C1QTNF5: variants seen among roughly 807,000 people sequenced by gnomAD.
The protein encoded by C1QTNF5 is complement C1q tumor necrosis factor-related protein 5.
Under a neutral mutation model 10.9 loss-of-function variants are expected in C1QTNF5, and 5 were observed. The observed-to-expected ratio is 0.46, with a 90% CI of 0.24 to 0.97. The LOEUF is 0.97. C1QTNF5 is among the 50% of genes least tolerant of loss of function. The pLI is 0.19. For missense variants in C1QTNF5, 281 were observed against 339.4 expected (o/e 0.83, Z 1.35); for synonymous variants, 161 against 156.5 (o/e 1.03, Z -0.22).
chr11:119,340,254 G>C lies in C1QTNF5; in HGVS notation c.144C>G (p.Gly48=), dbSNP rs1156581124. The change falls in exon 2 of 3, where the codon GGC becomes GGG. Residue 48 remains glycine, a synonymous_variant. Coordinates refer to ENST00000528368, the MANE Select transcript of C1QTNF5 (RefSeq NM_001278431.2). ...CGTCGCGGCCGTCGCGGCCATCGCG[G>C]CCCGGCAAGCCCTGGCTGCCATGGT... ...PGHHGSQGLP[G]RDGRDGRDGA... is the part of the protein sequence containing the mutation. 6.6e-7 allele frequency: 1 copy of C among 1,515,684 alleles called. No individual in the cohort carries two copies. The highest frequency in any genetic ancestry group is 8.8e-7 in the Non-Finnish European group (1 of 1,134,942). 93.9% of individuals were successfully genotyped at this position (1,515,684 alleles called of 1,614,324 possible). A position where few individuals can be genotyped will look rare whatever the true frequency, so the allele number is the denominator to read the frequency against.
upstream of C1QTNF5, among the ~76,000 whole-genome samples, chr11:119,343,414 G>A (rs964297431): frequency 1.3e-5 from 2 of 152,234 alleles, no homozygotes; most frequent in African/African-American, 4.8e-5. Flanking sequence ...CTACTTAGGA[G>A]GCTGAGGTGG....
upstream of C1QTNF5, chr11:119,342,543 TCTGTGAGG>T: frequency 1.2e-6 from 2 of 1,606,768 alleles, no homozygotes; most frequent in Non-Finnish European, 1.7e-6. Context: ...GCAGTAGGGT[TCTGTGAGG>T]TGGGCACCCA....
chr11:119,340,652 C>T, intron 1 of C1QTNF5, 43 bp downstream of exon 1: 2 of 535,736 alleles, frequency 3.7e-6, no homozygotes, highest in Non-Finnish European at 3.3e-6. Flanking sequence ...GCCTTTCCCA[C>T]AGTCCCCTCC....
At position 119,339,300 on chromosome 11, in the gene C1QTNF5, G is replaced by A. The variant is rs1361841188; in HGVS notation, c.*31C>T. ...TCAGCCTCACACCCTCCTTCTAGGAGTGAGAGCATGAGCTCACTTTGCAGT... is the reference window on the plus strand; with the variant it reads ...TCAGCCTCACACCCTCCTTCTAGGAATGAGAGCATGAGCTCACTTTGCAGT... On this transcript the variant is annotated 3_prime_UTR_variant, in exon 3 of 3. Coordinates refer to ENST00000528368, the MANE Select transcript of C1QTNF5 (RefSeq NM_001278431.2). This position sits in a 1 kb window ranked among gnomAD's most constrained non-coding sequence, Gnocchi z 5.4. 1.2e-6 allele frequency: 2 copies of A among 1,605,130 alleles called. No individual in the cohort carries two copies. Among genetic ancestry groups the A allele is most frequent in the Admixed American group, 1.7e-5 (1 of 59,438 alleles).
upstream of C1QTNF5, chr11:119,342,648 GTC>G (rs767900062): frequency 1.2e-6 from 2 of 1,613,568 alleles, no homozygotes; most frequent in East Asian, 4.5e-5. Context: ...CATCGGTGCA[GTC>G]TCTCCACATG....
chr11:119,343,742 T>C, upstream of C1QTNF5: 1 of 1,582,754 alleles, frequency 6.3e-7, no homozygotes, highest in Admixed American at 1.7e-5. Flanking sequence ...TGGAATGTGC[T>C]GGGCCGACAT....
upstream of C1QTNF5, chr11:119,344,002 TCTC>T: frequency 6.2e-7 from 1 of 1,608,228 alleles, no homozygotes; most frequent in Non-Finnish European, 8.5e-7. Context: ...CATGGCCCCT[TCTC>T]CTGTCTCATC....
At chr11:119,346,527 G>A in the C1QTNF5 span, 1 of 1,613,846 alleles carries the variant, frequency 6.2e-7, no homozygotes. Context: ...ACAAGGCTCT[G>A]CATGGCTTTC....
At chr11:119,346,512 A>G in the C1QTNF5 span, 1 of 1,614,064 alleles carries the variant, frequency 6.2e-7, no homozygotes, top group Admixed American at 1.7e-5. Context: ...GAAGTCCTTC[A>G]TGGCACAAGG....
At chr11:119,344,884 G>A (rs1432762303), upstream of C1QTNF5, 20 of 1,613,016 alleles carry the variant, frequency 1.2e-5, no homozygotes, top group Non-Finnish European at 1.7e-5. Context: ...CGCGCCCAGG[G>A]GCCATAGCCT....
chr11:119,342,440 C>G (rs1307422131), upstream of C1QTNF5, among the ~76,000 whole-genome samples: 1 of 152,174 alleles, frequency 6.6e-6, no homozygotes, highest in Admixed American at 6.5e-5. Flanking sequence ...CGACTGTCTT[C>G]CAGGACTCTG....
upstream of C1QTNF5, chr11:119,345,785 A>C: frequency 1.2e-6 from 2 of 1,613,352 alleles, no homozygotes; most frequent in Non-Finnish European, 1.7e-6. Context: ...GACTGTGGGG[A>C]GGGGCTCACG....
upstream of C1QTNF5, chr11:119,344,791 G>A (rs1168486713): frequency 2.5e-6 from 4 of 1,613,814 alleles, 1 homozygote; most frequent in Admixed American, 3.3e-5. Flanking sequence ...GGGAGGCCCG[G>A]AGTCTCCACC....
upstream of C1QTNF5, chr11:119,343,970 G>A (rs1210516332): frequency 1.1e-5 from 18 of 1,611,838 alleles, no homozygotes; most frequent in Non-Finnish European, 1.4e-5. Context: ...CAGAGCTGGG[G>A]GAGGGCATAG....
At chr11:119,344,766 G>A (rs187321874), upstream of C1QTNF5, 3,850 of 1,613,942 alleles carry the variant, frequency 2.4e-3, 18 homozygotes, top group Middle Eastern at 7.8e-3. Context: ...CCCTGGATGT[G>A]GGCACCAGGA....
rs1277199733 is a variant in C1QTNF5, at chr11:119,339,416, C to A, written c.647G>T (p.Gly216Val). The change falls in exon 3 of 3, where the codon GGC (glycine) becomes GTC (valine). Residue 216 changes from glycine to valine, a missense_variant. Transcript: ENST00000528368. This position sits in a 1 kb window ranked among gnomAD's most constrained non-coding sequence, Gnocchi z 5.4. ...GTCTGTCTTGATGCTGGCATAGATGCCAATGTAGTCACCCACACCCACCTG... is the reference window on the plus strand; with the variant it reads ...GTCTGTCTTGATGCTGGCATAGATGACAATGTAGTCACCCACACCCACCTG... ...WVQVGVGDYI[G>V]IYASIKTDST... is the part of the protein sequence containing the mutation. 1 of 1,613,608 alleles carries A rather than the reference C, an allele frequency of 6.2e-7. No homozygotes were observed. Among genetic ancestry groups the A allele is most frequent in the Admixed American group, 1.7e-5 (1 of 60,016 alleles).
chr11:119,342,775 C>T (rs750907785), upstream of C1QTNF5: 24 of 1,613,012 alleles, frequency 1.5e-5, no homozygotes, highest in Admixed American at 2.2e-4. Context: ...ACCTACACCC[C>T]CAGTACCCCC....
the C1QTNF5 span, chr11:119,346,113 G>C: frequency 6.2e-7 from 1 of 1,606,740 alleles, no homozygotes; most frequent in Non-Finnish European, 8.5e-7. Context: ...GGAGGACACA[G>C]AGCCAGGAGA....
At chr11:119,340,485 C>T in intron 1 of C1QTNF5, 45 bp from the exon 2 acceptor site, 2 of 1,385,852 alleles carry the variant, frequency 1.4e-6, no homozygotes, top group African/African-American at 1.5e-5. Flanking sequence ...AATCCTGGGA[C>T]CTGCCTCTCT....
Sources: gnomAD v4.1 joint callset for allele counts (sites outside exome capture counted in the v4.1 genomes callset) on GRCh38, gnomAD v4.1.1 for gene constraint, Gnocchi (gnomAD v3.1) non-coding constraint, MANE v1.5 for transcripts, NCBI Gene and HGNC (gene_info 2026-07-23, HGNC 2026-07-21) for gene names.